The following DHRSX variants were observed in gnomAD, a reference collection of about 807,000 sequenced individuals.
The protein encoded by DHRSX is polyprenol dehydrogenase.
In DHRSX, 31 loss-of-function variants were observed where a neutral mutation model predicts 34.0. That is an observed-to-expected ratio of 0.91 (90% CI 0.69 to 1.23). The LOEUF (loss-of-function observed/expected upper bound fraction) is 1.23, where lower values mean the gene tolerates loss of function less well. DHRSX is among the 50% of genes most tolerant of loss of function. DHRSX has a pLI of 0.00. For missense variants in DHRSX, 414 were observed against 428.1 expected, an observed-to-expected ratio of 0.97 and a Z score of 0.29; for synonymous variants, 201 against 183.8, an observed-to-expected ratio of 1.09 and a Z score of -0.76.
In DHRSX at chrX:2,402,713, A is replaced by C. The variant is rs1379873689; in HGVS notation, c.286+6032T>G. Among the ~76,000 whole-genome samples, 6 of 152,290 alleles carry C rather than the reference A, an allele frequency of 3.9e-5. No homozygotes were observed. The East Asian group carries it at 1.2e-3, about 29-fold the overall frequency. ...TTTTAAACTTTTTTCTTTTAAAAAA[A>C]AAAATTGCATGCACACATAGTAGGT... On this transcript the variant is annotated intron_variant, in intron 3 of 6. Transcript: ENST00000334651.
Position 2,489,402 on chromosome X carries a change from C to T in DHRSX, c.109+11415G>A, listed in dbSNP as rs377465242. ...TTGGCCATGCTGAGCTCCTTGGAGTCGGTCTCCTTGATGTTGAGCGTGGTG... is the reference window on the plus strand; with the variant it reads ...TTGGCCATGCTGAGCTCCTTGGAGTTGGTCTCCTTGATGTTGAGCGTGGTG... On this transcript the variant is annotated intron_variant, in intron 1 of 6. Coordinates refer to ENST00000334651, the MANE Select transcript of DHRSX (RefSeq NM_145177.3). 3.7e-6 allele frequency: 6 copies of T among 1,613,826 alleles called. No homozygotes were observed. The African/African-American group carries it at 6.7e-5, about 18-fold the overall frequency.
chrX:2,291,136 T>A (rs1252980192), intron 4 of DHRSX, among the ~76,000 whole-genome samples: 1 of 152,156 alleles, frequency 6.6e-6, no homozygotes, highest in Admixed American at 6.6e-5. Context: ...AGATAAATGG[T>A]AATGAGCTTC....
At chrX:2,480,315 G>A (rs972316926) in intron 1 of DHRSX, among the ~76,000 whole-genome samples, 10 of 150,270 alleles carry the variant, frequency 6.7e-5, no homozygotes, top group Non-Finnish European at 1.5e-4. Context: ...AAAGCTGAAC[G>A]CATAAACGCA....
At chrX:2,342,850 T>G (rs1377269857) in intron 3 of DHRSX, among the ~76,000 whole-genome samples, 2 of 152,182 alleles carry the variant, frequency 1.3e-5, no homozygotes, top group Non-Finnish European at 2.9e-5. Flanking sequence ...GCCTTCTCCC[T>G]GAGTCTTTTA....
At chrX:2,306,061 C>G (rs1272678277) in intron 3 of DHRSX, among the ~76,000 whole-genome samples, 1 of 152,020 alleles carries the variant, frequency 6.6e-6, no homozygotes, top group Non-Finnish European at 1.5e-5. Context: ...AGCAAACCAC[C>G]ACGGCACATG....
chrX:2,258,044 G>A (rs2041303479), intron 5 of DHRSX, among the ~76,000 whole-genome samples: 2 of 152,284 alleles, frequency 1.3e-5, no homozygotes, highest in African/African-American at 4.8e-5. Flanking sequence ...CACACACAGA[G>A]GGACAACCAA....
intron 1 of DHRSX, among the ~76,000 whole-genome samples, chrX:2,474,280 A>G (rs1383754492): frequency 2.0e-5 from 3 of 151,696 alleles, no homozygotes; most frequent in Non-Finnish European, 4.4e-5. Flanking sequence ...GACCATCGCC[A>G]TGTACACAAT....
At chrX:2,232,649 T>C (rs2015923570) in intron 6 of DHRSX, among the ~76,000 whole-genome samples, 1 of 152,074 alleles carries the variant, frequency 6.6e-6, no homozygotes, top group Non-Finnish European at 1.5e-5. Context: ...CTTGGCTCAC[T>C]GCAACCTCCG....
intron 6 of DHRSX, among the ~76,000 whole-genome samples, chrX:2,226,670 G>A (rs1603473430): frequency 3.0e-5 from 4 of 131,370 alleles, no homozygotes; most frequent in African/African-American, 1.1e-4. Context: ...GCATGGTGGC[G>A]AGCGCCTGTA....
intron 1 of DHRSX, among the ~76,000 whole-genome samples, chrX:2,474,089 G>C (rs761083616): frequency 1.5e-4 from 23 of 152,230 alleles, no homozygotes; most frequent in Admixed American, 1.1e-3. Context: ...ATGAGAGTCA[G>C]AGACACCCAA....
chrX:2,488,681 C>G, intron 1 of DHRSX: 1 of 1,612,600 alleles, frequency 6.2e-7, no homozygotes, highest in South Asian at 1.1e-5. Context: ...GCCGCTGACG[C>G]CATCCCCCAA....
intron 4 of DHRSX, among the ~76,000 whole-genome samples, chrX:2,274,020 C>T (rs2041591920): frequency 6.6e-6 from 1 of 152,082 alleles, no homozygotes; most frequent in Non-Finnish European, 1.5e-5. Context: ...CGAGTAATTA[C>T]GTTTATTCCT....
Position 2,222,151 on chromosome X carries a change from T to C in DHRSX, c.805-922A>G, listed in dbSNP as rs766134678. Among the ~76,000 whole-genome samples, 8 of 152,336 alleles carry C rather than the reference T, an allele frequency of 5.3e-5. No homozygotes were observed. The South Asian group carries it at 1.7e-3, about 32-fold the overall frequency. ...ATCTTGAACTTCCAGCCTCCAGAAC[T>C]GTGAGCAACAAATGTTTACCGGTTG... On this transcript the variant is annotated intron_variant, in intron 6 of 6. Coordinates refer to ENST00000334651, the MANE Select transcript of DHRSX (RefSeq NM_145177.3).
At chrX:2,346,084 A>C (rs2042706285) in intron 3 of DHRSX, among the ~76,000 whole-genome samples, 1 of 152,168 alleles carries the variant, frequency 6.6e-6, no homozygotes, top group Non-Finnish European at 1.5e-5. Flanking sequence ...GAGGAATTTC[A>C]TCCAGGAAAG....
intron 3 of DHRSX, among the ~76,000 whole-genome samples, chrX:2,311,138 A>C (rs1171352027): frequency 6.6e-6 from 1 of 151,654 alleles, no homozygotes; most frequent in African/African-American, 2.4e-5. Flanking sequence ...AGAGACAGAG[A>C]GAGAGAAAGA....
At chrX:2,382,719 A>C (rs2043222619) in intron 3 of DHRSX, among the ~76,000 whole-genome samples, 1 of 119,780 alleles carries the variant, frequency 8.3e-6, no homozygotes. Context: ...CATCATCACC[A>C]CCATCATCAC....
intron 3 of DHRSX, among the ~76,000 whole-genome samples, chrX:2,304,220 G>GATGGATAA (rs2042069106): frequency 1.5e-5 from 2 of 131,470 alleles, no homozygotes; most frequent in African/African-American, 6.0e-5. Context: ...TGGATGGATG[G>GATGGATAA]ATGGATGGAT....
intron 3 of DHRSX, among the ~76,000 whole-genome samples, chrX:2,298,409 C>T (rs868238865): frequency 1.2e-5 from 1 of 85,302 alleles, no homozygotes; most frequent in Non-Finnish European, 2.6e-5. Context: ...AAAAAAAAAA[C>T]AATTTTCACA....
rs146928493 is a variant in DHRSX at position 2,348,331 on chromosome X, T to C, written c.287-56728A>G. The stretch of plus-strand genomic sequence containing the variant: ...TTAAACATAGAAGCAAAGGCTCTTC[T>C]GGCTTAAGTGGATCAAGCTGGGGTC... On this transcript the variant is annotated intron_variant, in intron 3 of 6. Transcript: ENST00000334651. Among the ~76,000 whole-genome samples, 680 of 152,314 alleles carry C rather than the reference T, an allele frequency of 4.5e-3. 9 individuals carry two copies. Among genetic ancestry groups the C allele is most frequent in the African/African-American group, 0.016 (648 of 41,558 alleles).
Sources: gnomAD v4.1 joint callset for allele counts (sites outside exome capture counted in the v4.1 genomes callset) on GRCh38, gnomAD v4.1.1 for gene constraint, MANE v1.5 for transcripts, NCBI Gene and HGNC (gene_info 2026-07-23, HGNC 2026-07-21) for gene names.